The following EED variants were observed in gnomAD, a reference collection of about 807,000 sequenced individuals.
EED encodes the protein embryonic ectoderm development.
A neutral mutation model predicts 61.0 loss-of-function variants in EED; 9 were observed. The observed-to-expected ratio is 0.15, with a 90% confidence interval of 0.09 to 0.26. The LOEUF is 0.26. Among genes scored for constraint, EED ranks in the 10% least tolerant of loss-of-function variants. The pLI is 1.00. For missense variants in EED, 315 were observed against 542.3 expected, an observed-to-expected ratio of 0.58 and a Z score of 4.16; for synonymous variants, 187 against 174.4, an observed-to-expected ratio of 1.07 and a Z score of -0.57.
At chr11:86,281,846 TGTA>T (rs1263624415), downstream of EED, among the ~76,000 whole-genome samples, 1 of 152,216 alleles carries the variant, frequency 6.6e-6, no homozygotes, top group African/African-American at 2.4e-5. Context: ...CATTTTCTCT[TGTA>T]GTTTCTTTTT....
intron 3 of EED, among the ~76,000 whole-genome samples, chr11:86,254,263 T>C (rs778679276): frequency 6.6e-6 from 1 of 151,614 alleles, no homozygotes; most frequent in Admixed American, 6.6e-5. Flanking sequence ...ATGTAACTAA[T>C]ATGTAAATAC....
chr11:86,282,124 T>TAA (rs1336886937), downstream of EED, among the ~76,000 whole-genome samples: 1 of 152,162 alleles, frequency 6.6e-6, no homozygotes. Flanking sequence ...ATCCCAGACT[T>TAA]TATTTTAACT....
Position 86,247,064 on chromosome 11 carries a change from A to G in EED, c.114+1721A>G, listed in dbSNP as rs191677755. ...TCCACATACTTAATAATCAGGCAAA[A>G]TATAATGAAACTGTCAGACCTGTTT... On this transcript the variant is annotated intron_variant, in intron 1 of 11. Coordinates refer to ENST00000263360, the MANE Select transcript of EED (RefSeq NM_003797.5). 2.8e-3 allele frequency among the ~76,000 whole-genome samples: 431 copies of G among 152,356 alleles called. 1 individual carries two copies. Among genetic ancestry groups the G allele is most frequent in the Non-Finnish European group, 3.4e-3 (234 of 68,028 alleles).
At chr11:86,277,222 C>A in intron 10 of EED, 84 bp downstream of exon 10, 1 of 1,280,864 alleles carries the variant, frequency 7.8e-7, no homozygotes. Context: ...TGTCCATGTT[C>A]TTTTTCCTTT....
Position 86,250,296 on chromosome 11 carries a change from G to T in EED, c.115G>T (p.Asp39Tyr). The T allele has an allele frequency of 1.3e-6, 2 of 1,537,188 alleles. No homozygotes were observed. The highest frequency in any genetic ancestry group is 1.7e-6 in the Non-Finnish European group (2 of 1,144,804). Reference protein sequence around the residue: ...SNPDLSGDENDDAVSIESGTN... With the variant: ...SNPDLSGDENYDAVSIESGTN... ...ATTTTTCCTCATTTACTGCTTACAG[G>T]ATGACGCTGTCAGTATAGAAAGTGG... Residue 39 changes from aspartate to tyrosine, a missense_variant and splice_region_variant, in exon 2 of 12, where the codon GAT becomes TAT. This residue lies in a region of EED where 110 missense variants were observed against 86.9 expected (regional missense o/e 1.27). Coordinates refer to ENST00000263360, the MANE Select transcript of EED (RefSeq NM_003797.5).
chr11:86,245,259 G>T lies in EED; in HGVS notation c.30G>T (p.Pro10=), dbSNP rs1287992691. The T allele has an allele frequency of 6.2e-6, 10 of 1,613,330 alleles. No individual in the cohort carries two copies. The highest frequency in any genetic ancestry group is 1.3e-5 in the African/African-American group (1 of 74,896). The stretch of plus-strand genomic sequence containing the variant: ...CCGAGAGGGAAGTGTCGACTGCGCC[G>T]GCGGGAACAGACATGCCTGCGGCCA... The part of the protein sequence containing the change: MSEREVSTA[P]AGTDMPAAKK... The change falls in exon 1 of 12, where the codon CCG becomes CCT. Residue 10 remains proline (P), a synonymous_variant. Transcript: ENST00000263360.
chr11:86,250,942 A>T (rs1031983119), intron 2 of EED, among the ~76,000 whole-genome samples: 14 of 152,094 alleles, frequency 9.2e-5, no homozygotes, highest in Admixed American at 2.0e-4. Flanking sequence ...AATATTAAAT[A>T]TTTAGGGAAA....
At chr11:86,271,640 C>T (rs777803730) in intron 9 of EED, among the ~76,000 whole-genome samples, 2 of 152,140 alleles carry the variant, frequency 1.3e-5, no homozygotes, top group Non-Finnish European at 1.5e-5. Context: ...TATTCTCTAT[C>T]AAGTTGGGAA....
At chr11:86,259,275 C>G (rs1945767456) in intron 6 of EED, among the ~76,000 whole-genome samples, 1 of 121,656 alleles carries the variant, frequency 8.2e-6, no homozygotes, top group South Asian at 2.5e-4. Flanking sequence ...GTGATACTAT[C>G]AAGAAAGTAA....
downstream of EED, among the ~76,000 whole-genome samples, chr11:86,282,504 T>C (rs1260229943): frequency 6.6e-6 from 1 of 152,218 alleles, no homozygotes; most frequent in African/African-American, 2.4e-5. Flanking sequence ...TTTGCTATTA[T>C]AGGTAGTATT....
At chr11:86,271,273 AT>A (rs1182973278) in intron 9 of EED, among the ~76,000 whole-genome samples, 1 of 152,172 alleles carries the variant, frequency 6.6e-6, no homozygotes, top group Non-Finnish European at 1.5e-5. Flanking sequence ...ATACCTAAGT[AT>A]TTTTTAAGCA....
Position 86,268,443 on chromosome 11 carries a change from A to C in EED, c.861-13A>C. The C allele has an allele frequency of 7.0e-7, 1 of 1,421,076 alleles. No individual in the cohort carries two copies. The highest frequency in any genetic ancestry group is 9.7e-7 in the Non-Finnish European group (1 of 1,027,494). 88.0% of individuals were successfully genotyped at this position (1,421,076 alleles called of 1,614,324 possible). A position where few individuals can be genotyped will look rare whatever the true frequency, so the allele number is the denominator to read the frequency against. ...TTTTCTTTTAACTTTTTACATTTCC[A>C]TTCTTCCTTCAGGCCATTTATTTCT... On this transcript the variant is annotated splice_polypyrimidine_tract_variant and intron_variant, in intron 8 of 11. Transcript: ENST00000263360.
rs562414398 is a variant in EED, at chr11:86,253,506, T to C, written c.360+1266T>C. On this transcript the variant is annotated intron_variant, in intron 3 of 11. Transcript: ENST00000263360. ...TTTTATTTAAAGTGACATAAAGGGG[T>C]GTCATATAGTTTATTGAATTATAAA... is the stretch of plus-strand genomic sequence containing the variant. Among the ~76,000 whole-genome samples, 19 of 152,284 alleles carry C rather than the reference T, an allele frequency of 1.2e-4. No homozygotes were observed. The South Asian group carries it at 3.3e-3, about 27-fold the overall frequency.
intron 1 of EED, among the ~76,000 whole-genome samples, chr11:86,246,012 G>T (rs1945383003): frequency 1.3e-5 from 2 of 152,194 alleles, no homozygotes; most frequent in African/African-American, 4.8e-5. Flanking sequence ...TAAAGGTGAG[G>T]GGGGTGGCGA....
intron 3 of EED, among the ~76,000 whole-genome samples, chr11:86,252,708 G>GT (rs1403578178): frequency 2.6e-5 from 4 of 151,888 alleles, no homozygotes; most frequent in East Asian, 3.9e-4. Context: ...AGTTTGCTGG[G>GT]TTTTTTTGTT....
chr11:86,247,371 T>C (rs1945417125), intron 1 of EED, among the ~76,000 whole-genome samples: 1 of 152,230 alleles, frequency 6.6e-6, no homozygotes, highest in South Asian at 2.1e-4. Context: ...TTGTACACCA[T>C]GTTATAAAAT....
chr11:86,254,441 C>T (rs1280478338), intron 3 of EED, among the ~76,000 whole-genome samples: 1 of 151,430 alleles, frequency 6.6e-6, no homozygotes, highest in African/African-American at 2.4e-5. Flanking sequence ...CTGTCTCAGC[C>T]TCCTGAGTAG....
At chr11:86,279,356 G>A (rs1946297730), downstream of EED, among the ~76,000 whole-genome samples, 1 of 152,200 alleles carries the variant, frequency 6.6e-6, no homozygotes, top group African/African-American at 2.4e-5. Context: ...GTATGTCCAT[G>A]TAGTGAGTTG....
chr11:86,269,151 A>G (rs1225197846), intron 9 of EED, among the ~76,000 whole-genome samples: 1 of 152,220 alleles, frequency 6.6e-6, no homozygotes, highest in Non-Finnish European at 1.5e-5. Flanking sequence ...AAATTATCTA[A>G]CACAAAGCCT....
Sources: gnomAD v4.1 joint callset for allele counts (sites outside exome capture counted in the v4.1 genomes callset) on GRCh38, gnomAD v4.1.1 for gene constraint, gnomAD v4.1.1 regional missense constraint, MANE v1.5 for transcripts, NCBI Gene and HGNC (gene_info 2026-07-23, HGNC 2026-07-21) for gene names.